Variants in FLRT1 observed in about 807,000 individuals in gnomAD.
FLRT1 encodes fibronectin leucine rich transmembrane protein 1.
In FLRT1, 14 loss-of-function variants were observed where a neutral mutation model predicts 30.9. The ratio of observed to expected loss-of-function variants is 0.45; its 90% CI spans 0.30 to 0.71. The LOEUF (loss-of-function observed/expected upper bound fraction) is 0.71. FLRT1 is among the 30% of genes least tolerant of loss of function. The probability of loss-of-function intolerance (pLI) is 0.08; values close to 1 mark genes in which losing one functional copy is unlikely to be tolerated. For missense variants in FLRT1, 737 were observed against 949.2 expected, an observed-to-expected ratio of 0.78 and a Z score of 2.94; for synonymous variants, 368 against 430.4, an observed-to-expected ratio of 0.85 and a Z score of 1.80.
At chr11:64,058,028 C>T (rs1389916617) in intron 1 of FLRT1, among the ~76,000 whole-genome samples, 1 of 152,222 alleles carries the variant, frequency 6.6e-6, no homozygotes. Context: ...ATCTGTGAGC[C>T]ACTGAGTAAT....
At chr11:64,052,315 A>G (rs777947318) in intron 1 of FLRT1, among the ~76,000 whole-genome samples, 4 of 152,160 alleles carry the variant, frequency 2.6e-5, no homozygotes, top group Non-Finnish European at 4.4e-5. Flanking sequence ...AGTTGTGAGA[A>G]TTATTTCCCT....
At chr11:64,115,165 A>G (rs1230357931) in intron 2 of FLRT1, among the ~76,000 whole-genome samples, 1 of 152,228 alleles carries the variant, frequency 6.6e-6, no homozygotes, top group Non-Finnish European at 1.5e-5. Flanking sequence ...TGCTGGCTGC[A>G]TGAAGACACC....
At chr11:64,085,746 TG>T (rs1944382875) in intron 1 of FLRT1, among the ~76,000 whole-genome samples, 1 of 152,120 alleles carries the variant, frequency 6.6e-6, no homozygotes, top group South Asian at 2.1e-4. Context: ...TGTTGTCCAT[TG>T]GGGGCCTGCT....
intron 1 of FLRT1, among the ~76,000 whole-genome samples, chr11:64,041,026 T>C (rs2134386722): frequency 6.6e-6 from 1 of 151,728 alleles, no homozygotes; most frequent in Admixed American, 6.6e-5. Flanking sequence ...GGGGATGGCT[T>C]ATACTTAATT....
chr11:64,093,413 C>T (rs1420835019), intron 1 of FLRT1, among the ~76,000 whole-genome samples: 1 of 152,226 alleles, frequency 6.6e-6, no homozygotes, highest in African/African-American at 2.4e-5. Flanking sequence ...CTGAGTGAGC[C>T]GGGAAGCCAG....
intron 1 of FLRT1, among the ~76,000 whole-genome samples, chr11:64,056,893 G>A (rs554592890): frequency 2.6e-5 from 4 of 152,292 alleles, no homozygotes; most frequent in East Asian, 1.9e-4. Flanking sequence ...TACCAGGGTC[G>A]GAGCTGGTCT....
At chr11:64,075,703 G>A (rs1359770478) in intron 1 of FLRT1, among the ~76,000 whole-genome samples, 1 of 152,182 alleles carries the variant, frequency 6.6e-6, no homozygotes, top group Non-Finnish European at 1.5e-5. Context: ...ATGGAGTTGC[G>A]CTCTTCTTGC....
chr11:64,097,333 G>A (rs1944595010), intron 1 of FLRT1, among the ~76,000 whole-genome samples: 1 of 152,234 alleles, frequency 6.6e-6, no homozygotes, highest in African/African-American at 2.4e-5. Flanking sequence ...GAACTCCCAG[G>A]CCACCTCTGG....
chr11:64,072,784 G>C (rs946028192), intron 1 of FLRT1, among the ~76,000 whole-genome samples: 4 of 152,214 alleles, frequency 2.6e-5, no homozygotes, highest in Non-Finnish European at 5.9e-5. Context: ...TCTCTGTCTT[G>C]CTTTGTGTTG....
At position 64,067,535 on chromosome 11, in the gene FLRT1, C is replaced by T. The variant is rs1332040607; in HGVS notation, c.-1038+31376C>T. 6.6e-6 allele frequency among the ~76,000 whole-genome samples: 1 copy of T among 151,898 alleles called. No homozygotes were observed. The highest frequency in any genetic ancestry group is 2.4e-5 in the African/African-American group (1 of 41,374). On this transcript the variant is annotated intron_variant, in intron 1 of 2. Coordinates refer to ENST00000682287, the MANE Select transcript of FLRT1 (RefSeq NM_013280.5). The surrounding 1 kb of genome is among the most constrained non-coding windows in gnomAD (Gnocchi z 4.6). ...GCACCTCCCCAACTCCCCAGCCCCT[C>T]CCCCTGGGGCTCAGGGACCCAAAGC... is the stretch of plus-strand genomic sequence containing the variant.
chr11:64,114,334 G>A (rs901091976), intron 2 of FLRT1, among the ~76,000 whole-genome samples: 1 of 66,998 alleles, frequency 1.5e-5, no homozygotes, highest in Admixed American at 1.7e-4. Context: ...TGGACGGACA[G>A]TAGATACATG....
chr11:64,037,462 G>C (rs1943404184), intron 1 of FLRT1, among the ~76,000 whole-genome samples: 1 of 152,206 alleles, frequency 6.6e-6, no homozygotes. Flanking sequence ...TGCTGACTCC[G>C]TGGGCGACTG....
chr11:64,079,406 T>TG (rs1392494588), intron 1 of FLRT1, among the ~76,000 whole-genome samples: 5 of 122,146 alleles, frequency 4.1e-5, no homozygotes, highest in Admixed American at 8.3e-5. Context: ...TCGTTGGGGA[T>TG]GGGGGGGTGT....
At position 64,116,864 on chromosome 11, in the gene FLRT1, G is replaced by A. The variant is rs767360343; in HGVS notation, c.597G>A (p.Thr199=). ...LSSIPSGLPH[T]LEELRLDDNR... ...GCATCCCCTCGGGGCTGCCGCACAC[G>A]CTGGAGGAGCTGCGGCTGGATGACA... The change falls in exon 3 of 3, where the codon ACG becomes ACA. Residue 199 remains threonine (T), a synonymous_variant. Coordinates refer to ENST00000682287, the MANE Select transcript of FLRT1 (RefSeq NM_013280.5). The A allele has an allele frequency of 9.9e-5, 159 of 1,611,968 alleles. No individual in the cohort carries two copies. Among genetic ancestry groups the A allele is most frequent in the African/African-American group, 4.5e-4 (34 of 74,934 alleles).
intron 2 of FLRT1, among the ~76,000 whole-genome samples, chr11:64,112,990 C>G (rs932251733): frequency 1.3e-5 from 2 of 152,230 alleles, no homozygotes; most frequent in African/African-American, 4.8e-5. Flanking sequence ...AGTCCCTGCC[C>G]TGGCAGTTTG....
chr11:64,077,649 G>A (rs1944227182), intron 1 of FLRT1, among the ~76,000 whole-genome samples: 2 of 152,106 alleles, frequency 1.3e-5, no homozygotes, highest in Admixed American at 1.3e-4. Flanking sequence ...ACGCTCAGAG[G>A]CACATGCTGG....
chr11:64,076,628 C>T (rs2134476924), intron 1 of FLRT1, among the ~76,000 whole-genome samples: 1 of 152,304 alleles, frequency 6.6e-6, no homozygotes, highest in Admixed American at 6.5e-5. Context: ...CTCCATTTTC[C>T]AGAGGAGGAA....
chr11:64,080,530 A>G (rs1370774866), intron 1 of FLRT1, among the ~76,000 whole-genome samples: 2 of 152,210 alleles, frequency 1.3e-5, no homozygotes, highest in African/African-American at 4.8e-5. Flanking sequence ...GGACAAAAAT[A>G]AGCACCTAAA....
intron 1 of FLRT1, among the ~76,000 whole-genome samples, chr11:64,076,147 C>T (rs943490295): frequency 6.6e-6 from 1 of 152,216 alleles, no homozygotes; most frequent in Non-Finnish European, 1.5e-5. Flanking sequence ...CTGCCCTGAC[C>T]CCAGCGACCT....
Sources: gnomAD v4.1 joint callset for allele counts (sites outside exome capture counted in the v4.1 genomes callset) on GRCh38, gnomAD v4.1.1 for gene constraint, Gnocchi (gnomAD v3.1) non-coding constraint, MANE v1.5 for transcripts, NCBI Gene and HGNC (gene_info 2026-07-23, HGNC 2026-07-21) for gene names.